Variants in FRRS1 observed in about 807,000 individuals in gnomAD.
FRRS1 encodes the protein ferric reductase 1.
In FRRS1, 51 loss-of-function variants were observed where a neutral mutation model predicts 70.7. That is an observed-to-expected ratio of 0.72 (90% CI 0.58 to 0.91). The LOEUF is 0.91. Among genes scored for constraint, FRRS1 ranks in the 40% least tolerant of loss-of-function variants. FRRS1 has a pLI of 0.00. For synonymous variants in FRRS1, 225 were observed against 238.7 expected, an observed-to-expected ratio of 0.94 and a Z score of 0.53; for missense variants, 672 against 726.0, an observed-to-expected ratio of 0.93 and a Z score of 0.86.
chr1:99,742,539 G>C (rs1656023800), intron 4 of FRRS1, among the ~76,000 whole-genome samples: 2 of 152,196 alleles, frequency 1.3e-5, no homozygotes, highest in Admixed American at 6.5e-5. Context: ...GTTAACACTA[G>C]ATAGAGCTTG....
intron 1 of FRRS1, among the ~76,000 whole-genome samples, chr1:99,752,736 C>A (rs530521894): frequency 6.7e-6 from 1 of 149,952 alleles, no homozygotes; most frequent in African/African-American, 2.4e-5. Flanking sequence ...TATAATGAGA[C>A]CCCCATCTCT....
intron 7 of FRRS1, among the ~76,000 whole-genome samples, chr1:99,730,184 C>A (rs1454930667): frequency 6.6e-6 from 1 of 150,606 alleles, no homozygotes; most frequent in Non-Finnish European, 1.5e-5. Flanking sequence ...TAATAAATAT[C>A]TATATCCTAC....
At chr1:99,759,007 G>A (rs369651902) in intron 1 of FRRS1, among the ~76,000 whole-genome samples, 1 of 152,108 alleles carries the variant, frequency 6.6e-6, no homozygotes, top group South Asian at 2.1e-4. Flanking sequence ...CTCTACTCTC[G>A]AACCCTGTTT....
chr1:99,715,950 CAG>C (rs1179210794), intron 11 of FRRS1, among the ~76,000 whole-genome samples: 1 of 152,210 alleles, frequency 6.6e-6, no homozygotes, highest in Non-Finnish European at 1.5e-5. Context: ...ATTTCACACA[CAG>C]AGCATATTTA....
intron 12 of FRRS1, among the ~76,000 whole-genome samples, chr1:99,713,482 A>C (rs1654373155): frequency 6.6e-6 from 1 of 152,242 alleles, no homozygotes; most frequent in African/African-American, 2.4e-5. Flanking sequence ...CTGACCCATA[A>C]ACTACCTAAA....
At chr1:99,746,402 AT>A (rs748890595) in intron 4 of FRRS1, among the ~76,000 whole-genome samples, 14 of 152,246 alleles carry the variant, frequency 9.2e-5, no homozygotes, top group Non-Finnish European at 1.6e-4. Context: ...ACCCAAAACA[AT>A]AAATTCCTGC....
chr1:99,724,641 A>T (rs1654992807), intron 9 of FRRS1, among the ~76,000 whole-genome samples: 1 of 152,200 alleles, frequency 6.6e-6, no homozygotes, highest in Admixed American at 6.5e-5. Context: ...CCACATACAT[A>T]AAGCTAAGTA....
chr1:99,731,756 C>T (rs765433590), intron 7 of FRRS1, among the ~76,000 whole-genome samples: 2 of 152,190 alleles, frequency 1.3e-5, no homozygotes, highest in Non-Finnish European at 2.9e-5. Context: ...ACAACAGAGA[C>T]CATATTGCCC....
chr1:99,738,420 C>G (rs1247558769), intron 6 of FRRS1, 152 bp from the exon 7 acceptor site: 1 of 567,378 alleles, frequency 1.8e-6, no homozygotes, highest in Non-Finnish European at 3.1e-6. Flanking sequence ...AAACAAAAGA[C>G]ACATCCCAAA....
At chr1:99,752,096 ATGT>A (rs918982761) in intron 1 of FRRS1, among the ~76,000 whole-genome samples, 46 of 152,288 alleles carry the variant, frequency 3.0e-4, no homozygotes, top group Non-Finnish European at 5.1e-4. Context: ...GCTTAAGGAA[ATGT>A]TGTGGTTGGT....
chr1:99,763,884 A>AT (rs35408843), intron 1 of FRRS1, among the ~76,000 whole-genome samples: 11 of 148,790 alleles, frequency 7.4e-5, no homozygotes, highest in Admixed American at 6.7e-5. Flanking sequence ...AAAAAAAAAA[A>AT]GAATGAAAAG....
intron 12 of FRRS1, among the ~76,000 whole-genome samples, chr1:99,714,370 G>A (rs1202240734): frequency 2.0e-5 from 3 of 152,080 alleles, no homozygotes; most frequent in African/African-American, 7.2e-5. Flanking sequence ...TTTTGGTAGA[G>A]ATGGGGTTTC....
At chr1:99,754,785 T>C (rs1656751773) in intron 1 of FRRS1, among the ~76,000 whole-genome samples, 2 of 152,288 alleles carry the variant, frequency 1.3e-5, no homozygotes, top group African/African-American at 4.8e-5. Context: ...TAAACACATA[T>C]ATAGTTACGT....
intron 1 of FRRS1, among the ~76,000 whole-genome samples, chr1:99,762,409 C>T (rs547426261): frequency 2.0e-5 from 3 of 151,620 alleles, no homozygotes; most frequent in African/African-American, 7.3e-5. Flanking sequence ...TCCTCTTTTA[C>T]GTCTCTTTCA....
chr1:99,723,378 A>G (rs116528453), intron 9 of FRRS1, among the ~76,000 whole-genome samples: 1 of 152,070 alleles, frequency 6.6e-6, no homozygotes, highest in Admixed American at 6.6e-5. Context: ...TTAGCTGAGA[A>G]TGGTGGCACA....
intron 10 of FRRS1, among the ~76,000 whole-genome samples, chr1:99,718,571 C>T (rs1377914421): frequency 3.3e-5 from 5 of 152,152 alleles, no homozygotes; most frequent in African/African-American, 9.7e-5. Context: ...TCAAGTGATC[C>T]GCCCACCAGA....
At chr1:99,750,091 A>G (rs1193774604) in intron 1 of FRRS1, among the ~76,000 whole-genome samples, 2 of 152,216 alleles carry the variant, frequency 1.3e-5, no homozygotes, top group African/African-American at 2.4e-5. Flanking sequence ...GGGTTTTATC[A>G]GAGCCTACAT....
intron 4 of FRRS1, among the ~76,000 whole-genome samples, chr1:99,745,032 G>T (rs1656183527): frequency 6.7e-6 from 1 of 149,220 alleles, no homozygotes; most frequent in Non-Finnish European, 1.5e-5. Flanking sequence ...AGGAGAAAGT[G>T]TATCTGCCTT....
At chr1:99,730,028 C>A (rs920961149) in intron 7 of FRRS1, among the ~76,000 whole-genome samples, 4 of 152,124 alleles carry the variant, frequency 2.6e-5, no homozygotes, top group Admixed American at 6.5e-5. Context: ...CATCACTAAT[C>A]GAACACCACT....
Sources: gnomAD v4.1 joint callset for allele counts (sites outside exome capture counted in the v4.1 genomes callset) on GRCh38, gnomAD v4.1.1 for gene constraint, MANE v1.5 for transcripts, NCBI Gene and HGNC (gene_info 2026-07-23, HGNC 2026-07-21) for gene names.